The following TLE4 variants were observed in gnomAD, a reference collection of about 807,000 sequenced individuals.
TLE4 encodes TLE family member 4, transcriptional corepressor, also known as transducin-like enhancer protein 4.
A neutral mutation model predicts 92.8 loss-of-function variants in TLE4; 8 were observed. That is an observed-to-expected ratio of 0.09 (90% CI 0.05 to 0.16). TLE4 has a LOEUF of 0.16. TLE4 is among the 10% of genes least tolerant of loss of function. The pLI, the probability that TLE4 is intolerant of heterozygous loss-of-function variation, is 1.00. For missense variants in TLE4, 675 were observed against 997.6 expected (o/e 0.68, Z 4.36); for synonymous variants, 371 against 374.1 (o/e 0.99, Z 0.10).
intron 6 of TLE4, among the ~76,000 whole-genome samples, chr9:79,641,309 T>G (rs901590450): frequency 1.3e-5 from 2 of 152,060 alleles, no homozygotes; most frequent in African/African-American, 4.8e-5. Context: ...AGAAGTTATT[T>G]GCAACACATG....
chr9:79,604,335 C>G (rs2046342007), intron 4 of TLE4, among the ~76,000 whole-genome samples: 1 of 152,124 alleles, frequency 6.6e-6, no homozygotes, highest in African/African-American at 2.4e-5. Flanking sequence ...TATTCACTTG[C>G]TGACTGTGCC....
At chr9:79,703,998 G>C (rs779337358) in intron 8 of TLE4, among the ~76,000 whole-genome samples, 16 of 151,424 alleles carry the variant, frequency 1.1e-4, no homozygotes, top group Admixed American at 3.3e-4. Flanking sequence ...TTCTATAGAA[G>C]CTTGAAATGC....
intron 6 of TLE4, among the ~76,000 whole-genome samples, chr9:79,648,426 A>G (rs1271722106): frequency 1.3e-5 from 2 of 152,208 alleles, no homozygotes; most frequent in African/African-American, 2.4e-5. Context: ...GCCCTATAAG[A>G]TGATGGACAC....
chr9:79,598,335 T>C (rs1246241980), intron 4 of TLE4, among the ~76,000 whole-genome samples: 7 of 152,102 alleles, frequency 4.6e-5, no homozygotes, highest in Non-Finnish European at 8.8e-5. Context: ...GTGATAATTC[T>C]GGTCCACTAG....
At chr9:79,705,828 T>A (rs2071389279) in intron 9 of TLE4, 61 bp from the exon 10 acceptor site, 2 of 1,529,190 alleles carry the variant, frequency 1.3e-6, no homozygotes, top group Non-Finnish European at 1.8e-6. Context: ...TGGACTTACT[T>A]AGGGTAAATG....
intron 6 of TLE4, among the ~76,000 whole-genome samples, chr9:79,641,019 C>T (rs756429319): frequency 3.3e-5 from 5 of 151,576 alleles, no homozygotes; most frequent in African/African-American, 4.8e-5. Flanking sequence ...GTAAATATTA[C>T]TGTGGGGCTA....
At chr9:79,709,744 G>A (rs1477565943) in intron 14 of TLE4, 45 bp downstream of exon 14, 2 of 1,563,362 alleles carry the variant, frequency 1.3e-6, no homozygotes, top group Admixed American at 1.7e-5. Flanking sequence ...TCAAACTCAG[G>A]TCCCTTGCTG....
At chr9:79,667,212 A>G (rs552624679) in intron 8 of TLE4, among the ~76,000 whole-genome samples, 1 of 152,260 alleles carries the variant, frequency 6.6e-6, no homozygotes, top group East Asian at 1.9e-4. Flanking sequence ...AGGGAATTTC[A>G]GGGTCCTGGG....
rs2062808382 is a variant in TLE4, at chr9:79,673,801, A to G, written c.609+19726A>G. On this transcript the variant is annotated intron_variant, in intron 8 of 19. Transcript: ENST00000376552. ...TACAACCTGATCAAATACACTAAAT[A>G]TGAAACAAAACACAGGCTCAAAATA... Among the ~76,000 whole-genome samples, 4 of 152,200 alleles carry G rather than the reference A, an allele frequency of 2.6e-5. No individual in the cohort carries two copies. In the South Asian group the frequency reaches 8.3e-4, roughly 32 times the overall value.
At chr9:79,684,310 G>T (rs1010908393) in intron 8 of TLE4, among the ~76,000 whole-genome samples, 1 of 152,118 alleles carries the variant, frequency 6.6e-6, no homozygotes. Context: ...CCAAACCCCA[G>T]GCCATAGACC....
intron 11 of TLE4, among the ~76,000 whole-genome samples, chr9:79,707,710 A>G (rs533586575): frequency 6.6e-6 from 1 of 152,184 alleles, no homozygotes; most frequent in African/African-American, 2.4e-5. Flanking sequence ...ATGACAATTC[A>G]AGCTTGGATG....
chr9:79,675,685 G>C (rs2063142667), intron 8 of TLE4, among the ~76,000 whole-genome samples: 1 of 152,122 alleles, frequency 6.6e-6, no homozygotes, highest in South Asian at 2.1e-4. Context: ...GATTCACTAA[G>C]CACTGTCACT....
chr9:79,706,986 T>A (rs1164928378), intron 11 of TLE4, 87 bp downstream of exon 11: 1 of 1,568,916 alleles, frequency 6.4e-7, no homozygotes, highest in Non-Finnish European at 8.7e-7. Flanking sequence ...ATTTCTCACA[T>A]TTTTAACAGG....
intron 11 of TLE4, 115 bp from the exon 12 acceptor site, chr9:79,708,003 C>A (rs1318648138): frequency 7.2e-6 from 8 of 1,110,890 alleles, no homozygotes; most frequent in African/African-American, 1.6e-5. Context: ...AAGGCCCAAG[C>A]TGAAGAACCT....
chr9:79,694,383 T>C (rs950706896), intron 8 of TLE4, among the ~76,000 whole-genome samples: 2 of 152,222 alleles, frequency 1.3e-5, no homozygotes, highest in African/African-American at 4.8e-5. Context: ...TGCTCTTGTC[T>C]GGTTAGACCA....
In TLE4 at chr9:79,572,614, C is replaced by G. The variant is rs1365379119; in HGVS notation, c.-177C>G. 1.7e-5 allele frequency: 5 copies of G among 296,764 alleles called. No homozygotes were observed. Among genetic ancestry groups the G allele is most frequent in the Non-Finnish European group, 3.1e-5 (5 of 162,328 alleles). 18.4% of individuals were successfully genotyped at this position (296,764 alleles called of 1,614,324 possible). A position where few individuals can be genotyped will look rare whatever the true frequency, so the allele number is the denominator to read the frequency against. Reference sequence around the variant, plus strand: ...AGCGGCCCGGCAGCCGGCACCCAGCCGCCGCCGCGCGTTCCTGCCGCCCGT... The same window carrying G: ...AGCGGCCCGGCAGCCGGCACCCAGCGGCCGCCGCGCGTTCCTGCCGCCCGT... On this transcript the variant is annotated 5_prime_UTR_variant, in exon 1 of 20. Transcript: ENST00000376552.
At chr9:79,573,152 G>A in intron 1 of TLE4, 1 of 805,514 alleles carries the variant, frequency 1.2e-6, no homozygotes, top group Non-Finnish European at 1.6e-6. Flanking sequence ...AAGGAGGCGC[G>A]ACTCCGCGCC....
rs991573728 is a variant in TLE4, at chr9:79,719,969, T to G, written c.1591-77T>G. 2.8e-5 allele frequency: 43 copies of G among 1,521,110 alleles called. No individual in the cohort carries two copies. The African/African-American group carries it at 5.5e-4, about 20-fold the overall frequency. 94.2% of individuals were successfully genotyped at this position (1,521,110 alleles called of 1,614,324 possible). On this transcript the variant is annotated intron_variant, in intron 15 of 19. Coordinates refer to ENST00000376552, the MANE Select transcript of TLE4 (RefSeq NM_007005.6). Reference sequence around the variant, plus strand: ...TAAACCAGGAGGGAACACAATACTTTTATGGATTTCTGCTCTCATGTTAAT... The same window carrying G: ...TAAACCAGGAGGGAACACAATACTTGTATGGATTTCTGCTCTCATGTTAAT...
At chr9:79,580,949 T>G (rs1160266535) in intron 4 of TLE4, among the ~76,000 whole-genome samples, 1 of 152,214 alleles carries the variant, frequency 6.6e-6, no homozygotes, top group Non-Finnish European at 1.5e-5. Context: ...GATGTCTGCA[T>G]AAACTTCAGA....
Sources: gnomAD v4.1 joint callset for allele counts (sites outside exome capture counted in the v4.1 genomes callset) on GRCh38, gnomAD v4.1.1 for gene constraint, MANE v1.5 for transcripts, NCBI Gene and HGNC (gene_info 2026-07-23, HGNC 2026-07-21) for gene names.